Variants in PLEC observed in about 807,000 individuals in gnomAD.
PLEC encodes hemidesmosomal protein 1.
In PLEC, 216 loss-of-function variants were observed where a neutral mutation model predicts 392.8. The ratio of observed to expected loss-of-function variants is 0.55; its 90% CI spans 0.49 to 0.62. The LOEUF (loss-of-function observed/expected upper bound fraction) is 0.62. Ranked by LOEUF, PLEC falls within the 20% of genes least tolerant of loss-of-function variation. The pLI is 0.00. For missense variants in PLEC, 6,863 were observed against 6,563.4 expected (o/e 1.05, Z -1.58); for synonymous variants, 3,621 against 2,980.6 (o/e 1.21, Z -7.00).
chr8:143,925,012 G>A lies in PLEC; in HGVS notation c.4917C>T (p.Asn1639=), dbSNP rs370503466. Residue 1639 remains asparagine, a synonymous_variant, in exon 31 of 32, where the codon AAC becomes AAT. Transcript: ENST00000345136. ...RELERWQLKA[N]EALRLRLQAE... ...CCTGCAGCCGCAGCCGTAGCGCCTC[G>A]TTGGCCTTGAGCTGCCAGCGCTCCA... 3.2e-5 allele frequency: 50 copies of A among 1,570,820 alleles called. No individual in the cohort carries two copies. Among genetic ancestry groups the A allele is most frequent in the Middle Eastern group, 1.7e-4 (1 of 5,922 alleles).
rs375628380 is a variant in PLEC, at chr8:143,973,180, C to T, written c.70+223G>A. Reference sequence around the variant, plus strand: ...CCGCCCGCGGCCCACCCCACCCACCCGAGCCGCGCGATGCCCTATTAAGGG... The same window carrying T: ...CCGCCCGCGGCCCACCCCACCCACCTGAGCCGCGCGATGCCCTATTAAGGG... On this transcript the variant is annotated intron_variant, in intron 1 of 31. Coordinates refer to the PLEC transcript ENST00000356346. The surrounding 1 kb of genome is among the most constrained non-coding windows in gnomAD (Gnocchi z 5.6). Among the ~76,000 whole-genome samples, 1 of 151,832 alleles carries T rather than the reference C, an allele frequency of 6.6e-6. No individual in the cohort carries two copies. Among genetic ancestry groups the T allele is most frequent in the Non-Finnish European group, 1.5e-5 (1 of 67,852 alleles).
Position 143,922,195 on chromosome 8 carries a change from C to T in PLEC, c.7626G>A (p.Glu2542=), listed in dbSNP as rs781941795. 8 of 1,550,668 alleles carry T rather than the reference C, an allele frequency of 5.2e-6. No individual in the cohort carries two copies. In the Admixed American group the frequency reaches 9.6e-5, roughly 19 times the overall value. The change falls in exon 32 of 32, where the codon GAG becomes GAA. Residue 2542 remains glutamate, a synonymous_variant. Coordinates refer to ENST00000345136, the MANE Select transcript of PLEC (RefSeq NM_201384.3). The part of the protein sequence containing the change: ...EEQQRQQQQM[E]QERQRLVASM... ...TGGCCACCAGCCGCTGCCGTTCCTG[C>T]TCCATCTGCTGCTGCTGCCGCTGCT...
rs1825820925 is a variant in PLEC, at chr8:143,927,908, G to T, written c.3345C>A (p.Ala1115=). The T allele has an allele frequency of 6.3e-7, 1 of 1,598,308 alleles. No individual in the cohort carries two copies. The highest frequency in any genetic ancestry group is 1.3e-5 in the African/African-American group (1 of 74,740). The change falls in exon 26 of 32, where the codon GCC becomes GCA. Residue 1115 remains alanine, a synonymous_variant. Coordinates refer to ENST00000345136, the MANE Select transcript of PLEC (RefSeq NM_201384.3). ...LRAHEEQLKE[A]QAVPATLPEL... ...CCGGGAGGGTGGCCGGCACGGCCTGGGCCTCCTTGAGCTGCTCCTCGTGGG... is the reference window on the plus strand; with the variant it reads ...CCGGGAGGGTGGCCGGCACGGCCTGTGCCTCCTTGAGCTGCTCCTCGTGGG...
chr8:143,936,889 C>T (rs73377221), intron 5 of PLEC, 90 bp downstream of exon 5: 4 of 1,042,758 alleles, frequency 3.8e-6, no homozygotes, highest in Non-Finnish European at 5.9e-6. Context: ...CACGCCCTAG[C>T]CAGAAAGCGG....
rs1554676494 is a variant in PLEC at position 143,918,883 on chromosome 8, G to A, written c.10938C>T (p.Arg3646=). ...GLASYDYVRR[R]LTAEDLFEAR... ...CCTCGAACAGGTCCTCAGCCGTGAG[G>A]CGGCGGCGCACGTAGTCGTAGGAGG... The change falls in exon 32 of 32, where the codon CGC becomes CGT. Residue 3646 remains arginine (R), a synonymous_variant. Transcript: ENST00000345136. 1 of 1,612,346 alleles carries A rather than the reference G, an allele frequency of 6.2e-7. No individual in the cohort carries two copies. Among genetic ancestry groups the A allele is most frequent in the Non-Finnish European group, 8.5e-7 (1 of 1,179,988 alleles).
At chr8:143,933,963 C>A in intron 12 of PLEC, 35 bp downstream of exon 12, 1 of 1,556,850 alleles carries the variant, frequency 6.4e-7, no homozygotes, top group Non-Finnish European at 8.7e-7. Context: ...CCTCCGGCCT[C>A]CCTCCCGCCC....
chr8:143,936,421 C>T (rs1364406542), intron 5 of PLEC, among the ~76,000 whole-genome samples: 1 of 152,228 alleles, frequency 6.6e-6, no homozygotes, highest in Non-Finnish European at 1.5e-5. Flanking sequence ...GCCCAGAACC[C>T]CCAGGCCTGG....
rs1825743482 is a variant in PLEC at position 143,927,733 on chromosome 8, T to C, written c.3433A>G (p.Thr1145Ala). Reference protein sequence around the residue: ...LRAQAEAQQPTFDALRDELRG... With the variant: ...LRAQAEAQQPAFDALRDELRG... ...AGCTCATCCCGCAGGGCGTCGAACGTGGGCTGCTGTGCCTCGGCCTGGGCC... is the reference window on the plus strand; with the variant it reads ...AGCTCATCCCGCAGGGCGTCGAACGCGGGCTGCTGTGCCTCGGCCTGGGCC... The change falls in exon 27 of 32, where the codon ACG becomes GCG. Residue 1145 changes from threonine (T) to alanine (A), a missense_variant. Physicochemically the swap from Thr to Ala is moderately conservative, Grantham distance 58 (BLOSUM62 0). Transcript: ENST00000345136. 1 of 1,596,592 alleles carries C rather than the reference T, an allele frequency of 6.3e-7. No individual in the cohort carries two copies. Among genetic ancestry groups the C allele is most frequent in the Non-Finnish European group, 8.5e-7 (1 of 1,170,862 alleles).
rs573424409 is a variant in PLEC, at chr8:143,916,185, C to T, written c.13636G>A (p.Val4546Met). The T allele has an allele frequency of 7.3e-5, 112 of 1,540,054 alleles. No individual in the cohort carries two copies. The East Asian group carries it at 1.4e-3, about 19-fold the overall frequency. The change falls in exon 32 of 32, where the codon GTG (valine) becomes ATG (methionine). Residue 4546 changes from valine to methionine, a missense_variant. Physicochemically the swap from Val to Met is conservative, Grantham distance 21. Transcript: ENST00000345136. ...GGTGGGCGCAGGCAGCCTCAGGCCA[C>T]GGCAGACTCAGGGCCCCCCAGGGAG... ...SASLGGPESA[V>M]A is the part of the protein sequence containing the mutation.
chr8:143,968,263 C>G (rs1833218578), intron 1 of PLEC, among the ~76,000 whole-genome samples: 1 of 151,950 alleles, frequency 6.6e-6, no homozygotes, highest in African/African-American at 2.4e-5. Flanking sequence ...AAACTGGAGT[C>G]ATAATAATTA....
chr8:143,934,876 C>T lies in PLEC; in HGVS notation c.879G>A (p.Gln293=). Reference sequence around the variant, plus strand: ...AGGCGGCCGTGTGGTGTCGCATCCACTGAAGCAGCAGCAGCACCAGCTCCC... The same window carrying T: ...AGGCGGCCGTGTGGTGTCGCATCCATTGAAGCAGCAGCAGCACCAGCTCCC... ...EYRELVLLLL[Q]WMRHHTAAFE... Residue 293 remains glutamine (Q), a synonymous_variant, in exon 9 of 32, where the codon CAG becomes CAA. Transcript: ENST00000345136. The T allele has an allele frequency of 6.2e-7, 1 of 1,611,556 alleles. No homozygotes were observed. Among genetic ancestry groups the T allele is most frequent in the Admixed American group, 1.7e-5 (1 of 59,984 alleles).
intron 1 of PLEC, among the ~76,000 whole-genome samples, chr8:143,967,973 C>T (rs1833198189): frequency 6.6e-6 from 1 of 151,774 alleles, no homozygotes; most frequent in Admixed American, 6.6e-5. Context: ...ACTAAAAATA[C>T]AAAAATTAGC....
chr8:143,953,620 C>T (rs1424712440), upstream of PLEC: 5 of 1,226,558 alleles, frequency 4.1e-6, no homozygotes, highest in African/African-American at 6.0e-5. Flanking sequence ...CACAGTGTCA[C>T]CCCAGGGATG....
intron 3 of PLEC, chr8:143,937,923 G>T (rs1315930439): frequency 1.6e-6 from 1 of 633,452 alleles, no homozygotes; most frequent in East Asian, 2.8e-5. Flanking sequence ...AGCAGCCGAG[G>T]TCCGAGGGTT....
In PLEC at chr8:143,972,633, C is replaced by T. The variant is rs540887225; in HGVS notation, c.70+770G>A. Among the ~76,000 whole-genome samples, 6 of 152,378 alleles carry T rather than the reference C, an allele frequency of 3.9e-5. No homozygotes were observed. In the South Asian group the frequency reaches 1.2e-3, roughly 32 times the overall value. On this transcript the variant is annotated intron_variant, in intron 1 of 31. Transcript: ENST00000356346. ...CCCACCGCGACCCTCCCCAGCAGCTCAGTCCCTTGCTCCTAAGCCTCTGCA... is the reference window on the plus strand; with the variant it reads ...CCCACCGCGACCCTCCCCAGCAGCTTAGTCCCTTGCTCCTAAGCCTCTGCA...
In PLEC at chr8:143,916,611, C is replaced by T. The variant is rs1166340716; in HGVS notation, c.13210G>A (p.Gly4404Ser). ...TGGLIEPDTP[G>S]RVPLDEALQR... is the part of the protein sequence containing the mutation. ...AGGGCCTCGTCCAGGGGCACGCGGC[C>T]CGGCGTGTCGGGCTCGATCAAGCCG... Residue 4404 changes from glycine (G) to serine (S), a missense_variant, in exon 32 of 32, where the codon GGC becomes AGC. Gly to Ser is a moderately conservative substitution (Grantham distance 56). Coordinates refer to ENST00000345136, the MANE Select transcript of PLEC (RefSeq NM_201384.3). The T allele has an allele frequency of 6.2e-7, 1 of 1,609,956 alleles. No homozygotes were observed. Among genetic ancestry groups the T allele is most frequent in the African/African-American group, 1.3e-5 (1 of 74,994 alleles).
At chr8:143,939,187 C>T (rs911141340) in intron 1 of PLEC, among the ~76,000 whole-genome samples, 163 bp downstream of exon 1, 1 of 152,210 alleles carries the variant, frequency 6.6e-6, no homozygotes, top group Non-Finnish European at 1.5e-5. Context: ...CTCGCGGGCG[C>T]CTGTCGGCCC....
upstream of PLEC, chr8:143,975,467 G>C: frequency 9.3e-7 from 1 of 1,072,062 alleles, no homozygotes; most frequent in Non-Finnish European, 1.4e-6. The surrounding 1 kb of genome is among the most constrained non-coding windows in gnomAD (Gnocchi z 9.9). Flanking sequence ...CCTAGACACT[G>C]AACTCTCCCC....
upstream of PLEC, among the ~76,000 whole-genome samples, chr8:143,974,379 A>T (rs1287356049): frequency 1.3e-5 from 2 of 152,228 alleles, no homozygotes; most frequent in Non-Finnish European, 2.9e-5. The surrounding 1 kb of genome is among the most constrained non-coding windows in gnomAD (Gnocchi z 5.9). Context: ...GAAGAAAGTG[A>T]CTTCTTTCTT....
Sources: gnomAD v4.1 joint callset for allele counts (sites outside exome capture counted in the v4.1 genomes callset) on GRCh38, gnomAD v4.1.1 for gene constraint, Gnocchi (gnomAD v3.1) non-coding constraint, MANE v1.5 for transcripts, NCBI Gene and HGNC (gene_info 2026-07-23, HGNC 2026-07-21) for gene names.